Variants in TMEM132C observed in about 807,000 individuals in gnomAD.
TMEM132C encodes protein phosphatase 1, regulatory subunit 152.
Under a neutral mutation model 61.4 loss-of-function variants are expected in TMEM132C, and 29 were observed. That is an observed-to-expected ratio of 0.47 (90% CI 0.35 to 0.64). The LOEUF is 0.64. Ranked by LOEUF, TMEM132C falls within the 30% of genes least tolerant of loss-of-function variation. The pLI is 0.00. For synonymous variants in TMEM132C, 656 were observed against 633.1 expected (o/e 1.04, Z -0.54); for missense variants, 1,408 against 1,476.9 (o/e 0.95, Z 0.76).
intron 2 of TMEM132C, among the ~76,000 whole-genome samples, chr12:128,477,464 C>G (rs536985508): frequency 1.3e-5 from 2 of 152,316 alleles, no homozygotes; most frequent in African/African-American, 4.8e-5. Flanking sequence ...GACACCACCT[C>G]CACCAGAAGG....
intron 2 of TMEM132C, among the ~76,000 whole-genome samples, chr12:128,474,969 G>T (rs77831203): frequency 6.6e-6 from 1 of 152,054 alleles, no homozygotes; most frequent in Non-Finnish European, 1.5e-5. Flanking sequence ...TTCTTTGCCC[G>T]GGACAATGAC....
At chr12:128,537,282 G>A (rs560837303) in intron 2 of TMEM132C, among the ~76,000 whole-genome samples, 40 of 152,330 alleles carry the variant, frequency 2.6e-4, no homozygotes, top group African/African-American at 9.1e-4. Context: ...CCATAAAAGG[G>A]CAAGGCAGTA....
At chr12:128,379,948 G>T (rs1244096964) in intron 1 of TMEM132C, among the ~76,000 whole-genome samples, 1 of 152,202 alleles carries the variant, frequency 6.6e-6, no homozygotes, top group Non-Finnish European at 1.5e-5. Context: ...CCGTGAGTAT[G>T]GGTGGAGATA....
intron 2 of TMEM132C, among the ~76,000 whole-genome samples, chr12:128,499,036 A>C (rs1011788697): frequency 6.6e-6 from 1 of 152,164 alleles, no homozygotes; most frequent in Non-Finnish European, 1.5e-5. Flanking sequence ...CTGATCTGAA[A>C]ATTTATAGGG....
chr12:128,530,135 G>T (rs1239721848), intron 2 of TMEM132C, among the ~76,000 whole-genome samples: 1 of 152,026 alleles, frequency 6.6e-6, no homozygotes, highest in Admixed American at 6.6e-5. Context: ...GGTGAGATGT[G>T]CAGATGGAGT....
chr12:128,303,559 A>G (rs1263605164), intron 1 of TMEM132C, among the ~76,000 whole-genome samples: 1 of 152,212 alleles, frequency 6.6e-6, no homozygotes, highest in African/African-American at 2.4e-5. Context: ...TGTTTGTCCA[A>G]TTAACAAAGA....
chr12:128,697,143 T>G, intron 7 of TMEM132C, 81 bp from the exon 8 acceptor site: 1 of 1,292,338 alleles, frequency 7.7e-7, no homozygotes, highest in Non-Finnish European at 1.0e-6. Context: ...CCTGTTGGGA[T>G]GGAAGAAATA....
chr12:128,636,861 G>A (rs890666011), intron 4 of TMEM132C, among the ~76,000 whole-genome samples: 2 of 152,060 alleles, frequency 1.3e-5, no homozygotes, highest in African/African-American at 4.8e-5. Context: ...ATCATGCAGC[G>A]TTTTTCCCTC....
intron 5 of TMEM132C, among the ~76,000 whole-genome samples, chr12:128,686,070 C>CGTGTGTGCATGTGT (rs1555243297): frequency 3.4e-5 from 2 of 58,894 alleles, no homozygotes; most frequent in Non-Finnish European, 9.9e-5. Flanking sequence ...TGTGTGCATG[C>CGTGTGTGCATGTGT]GTGTGTGCGC....
rs142899581 is a variant in TMEM132C, at chr12:128,706,130, G to A, written c.3162G>A (p.Val1054=). 5 of 1,551,778 alleles carry A rather than the reference G, an allele frequency of 3.2e-6. No individual in the cohort carries two copies. Among genetic ancestry groups the A allele is most frequent in the Non-Finnish European group, 4.4e-6 (5 of 1,147,014 alleles). The change falls in exon 9 of 9, where the codon GTG becomes GTA. Residue 1054 remains valine, a synonymous_variant. Coordinates refer to ENST00000435159, the MANE Select transcript of TMEM132C (RefSeq NM_001136103.3). ...LHSPTSKRKK[V]KFTTFTTIPP... is the part of the protein sequence containing the mutation. Reference sequence around the variant, plus strand: ...CGCCCACCTCCAAGAGGAAGAAGGTGAAATTTACCACCTTTACCACCATCC... The same window carrying A: ...CGCCCACCTCCAAGAGGAAGAAGGTAAAATTTACCACCTTTACCACCATCC...
chr12:128,453,435 T>A (rs1177050808), intron 2 of TMEM132C, among the ~76,000 whole-genome samples: 4 of 152,158 alleles, frequency 2.6e-5, no homozygotes, highest in African/African-American at 2.4e-5. Context: ...GTTTCTCCCT[T>A]CCTGTGTCTC....
chr12:128,571,450 G>A (rs1874880436), intron 3 of TMEM132C, among the ~76,000 whole-genome samples: 1 of 152,102 alleles, frequency 6.6e-6, no homozygotes, highest in South Asian at 2.1e-4. Flanking sequence ...ACAGTTCAGT[G>A]ACATCAAATA....
At chr12:128,612,012 A>G (rs1380455395) in intron 3 of TMEM132C, among the ~76,000 whole-genome samples, 1 of 152,226 alleles carries the variant, frequency 6.6e-6, no homozygotes, top group Non-Finnish European at 1.5e-5. Flanking sequence ...GAAGAAGACA[A>G]AGGCTGTGTG....
Position 128,669,472 on chromosome 12 carries a change from T to G in TMEM132C, c.1361T>G (p.Ile454Ser). 6.4e-7 allele frequency: 1 copy of G among 1,551,698 alleles called. No individual in the cohort carries two copies. Among genetic ancestry groups the G allele is most frequent in the Non-Finnish European group, 8.7e-7 (1 of 1,146,988 alleles). ...ACAGGAAAGACAGTTGCCATGCCTATCAAGGTGGTCTCTGTGGAGGAGAAC... is the reference window on the plus strand; with the variant it reads ...ACAGGAAAGACAGTTGCCATGCCTAGCAAGGTGGTCTCTGTGGAGGAGAAC... ...VLTGKTVAMP[I>S]KVVSVEENSA... Residue 454 changes from isoleucine to serine, a missense_variant, in exon 5 of 9, where the codon ATC (isoleucine) becomes AGC (serine). By Grantham distance (142) the Ile-to-Ser change is moderately radical (BLOSUM62 -2). Transcript: ENST00000435159.
chr12:128,434,284 T>A (rs1004197123), intron 2 of TMEM132C, among the ~76,000 whole-genome samples: 1 of 152,218 alleles, frequency 6.6e-6, no homozygotes, highest in Non-Finnish European at 1.5e-5. Flanking sequence ...ATTCAGTGTA[T>A]GTGGAAACCC....
At chr12:128,354,215 G>A (rs1467608049) in intron 1 of TMEM132C, among the ~76,000 whole-genome samples, 1 of 152,010 alleles carries the variant, frequency 6.6e-6, no homozygotes, top group Non-Finnish European at 1.5e-5. Flanking sequence ...CTAGGTGTGT[G>A]AGTCCCCCAA....
intron 1 of TMEM132C, among the ~76,000 whole-genome samples, chr12:128,277,665 G>A (rs1197302625): frequency 6.6e-6 from 1 of 152,192 alleles, no homozygotes; most frequent in Admixed American, 6.5e-5. Flanking sequence ...GGGAATGACT[G>A]CCCAGCAGGC....
chr12:128,325,666 A>G lies in TMEM132C; in HGVS notation c.85+58179A>G, dbSNP rs532194417. On this transcript the variant is annotated intron_variant, in intron 1 of 8. Transcript: ENST00000435159. ...TTCATGGTAGCATGGACCTCCCTGTATGCTTTTACATCGCTTGGCCATGAC... is the reference window on the plus strand; with the variant it reads ...TTCATGGTAGCATGGACCTCCCTGTGTGCTTTTACATCGCTTGGCCATGAC... Among the ~76,000 whole-genome samples the G allele has an allele frequency of 5.8e-4, 89 of 152,258 alleles. 1 individual carries two copies. Among genetic ancestry groups the G allele is most frequent in the African/African-American group, 2.1e-3 (88 of 41,552 alleles).
At chr12:128,523,809 A>AG (rs35767506) in intron 2 of TMEM132C, among the ~76,000 whole-genome samples, 119,988 of 135,880 alleles carry the variant, frequency 0.88, 54,256 homozygotes, top group East Asian at 0.98. Context: ...AGACAAGCCC[A>AG]GGAAAAAAAA....
Sources: allele counts gnomAD v4.1 joint callset (sites outside exome capture counted in the v4.1 genomes callset), GRCh38; gene constraint gnomAD v4.1.1; transcripts MANE v1.5; gene names NCBI Gene and HGNC (gene_info 2026-07-23, HGNC 2026-07-21).